DPH6: variants seen among roughly 807,000 people sequenced by gnomAD.
The protein encoded by DPH6 is diphthine--ammonia ligase.
Under a neutral mutation model 38.2 loss-of-function variants are expected in DPH6, and 33 were observed. That is an observed-to-expected ratio of 0.86 (90% CI 0.65 to 1.15). DPH6 has a LOEUF of 1.15. Among genes scored for constraint, DPH6 ranks in the 50% most tolerant of loss-of-function variants. The pLI is 0.00. For synonymous variants in DPH6, 108 were observed against 103.0 expected (o/e 1.05, Z -0.30); for missense variants, 325 against 320.0 (o/e 1.02, Z -0.12).
At chr15:35,237,966 A>G (rs1483372052) in intron 3 of DPH6, 1 of 1,425,288 alleles carries the variant, frequency 7.0e-7, no homozygotes, top group Non-Finnish European at 9.9e-7. Context: ...AACGATGGAG[A>G]GGTTGATGAT....
chr15:35,278,436 C>A (rs2051873494), intron 3 of DPH6, among the ~76,000 whole-genome samples: 1 of 152,230 alleles, frequency 6.6e-6, no homozygotes, highest in African/African-American at 2.4e-5. Flanking sequence ...GGTGCCTGGG[C>A]AGAAGCCTGA....
intron 3 of DPH6, among the ~76,000 whole-genome samples, chr15:35,220,960 G>A (rs2051438486): frequency 6.6e-6 from 1 of 152,180 alleles, no homozygotes; most frequent in Non-Finnish European, 1.5e-5. Context: ...CTGTGGGTGA[G>A]ATTAAAGGCA....
downstream of DPH6, among the ~76,000 whole-genome samples, chr15:35,327,939 C>T (rs1349482965): frequency 6.6e-6 from 1 of 152,142 alleles, no homozygotes; most frequent in Admixed American, 6.5e-5. Flanking sequence ...TGCTTAACTC[C>T]TGATCAAATA....
At chr15:35,411,023 T>G (rs927810560) in intron 5 of DPH6, 127 bp from the exon 6 acceptor site, 4 of 738,990 alleles carry the variant, frequency 5.4e-6, no homozygotes, top group Middle Eastern at 2.5e-4. Context: ...GCTTTGATCA[T>G]AAAGTAAAAT....
intron 3 of DPH6, among the ~76,000 whole-genome samples, chr15:35,466,749 C>T (rs1337351807): frequency 6.6e-6 from 1 of 152,156 alleles, no homozygotes; most frequent in Non-Finnish European, 1.5e-5. Context: ...TAGCCTATTG[C>T]TCCTAGGCTA....
intron 3 of DPH6, among the ~76,000 whole-genome samples, chr15:35,510,153 C>T (rs1197631962): frequency 6.6e-6 from 1 of 152,148 alleles, no homozygotes; most frequent in Non-Finnish European, 1.5e-5. Flanking sequence ...GTTGAGGCTG[C>T]AGTGAACTGT....
At chr15:35,408,962 G>A (rs1414437514) in intron 6 of DPH6, among the ~76,000 whole-genome samples, 1 of 151,896 alleles carries the variant, frequency 6.6e-6, no homozygotes, top group Admixed American at 6.6e-5. Context: ...GGGTCTTTAG[G>A]ATGGGACAAT....
chr15:35,512,810 T>C (rs1165308079), intron 3 of DPH6, among the ~76,000 whole-genome samples: 2 of 152,144 alleles, frequency 1.3e-5, no homozygotes, highest in East Asian at 3.8e-4. Flanking sequence ...AGCCAATATG[T>C]TTCAATGGCC....
intron 7 of DPH6, 34 bp from the exon 8 acceptor site, chr15:35,373,642 G>A: frequency 6.4e-7 from 1 of 1,559,418 alleles, no homozygotes; most frequent in Non-Finnish European, 8.7e-7. Context: ...ACATTTATAT[G>A]CTACAAAAAT....
chr15:35,478,754 C>T (rs542193447), intron 3 of DPH6, among the ~76,000 whole-genome samples: 1 of 151,880 alleles, frequency 6.6e-6, no homozygotes, highest in South Asian at 2.1e-4. Context: ...GCAATATTAC[C>T]AGTTAAAATA....
At chr15:35,256,561 G>A (rs1236948744) in intron 3 of DPH6, among the ~76,000 whole-genome samples, 1 of 152,178 alleles carries the variant, frequency 6.6e-6, no homozygotes, top group Non-Finnish European at 1.5e-5. Context: ...GGCAAGTTAT[G>A]TAAATCATCA....
At chr15:35,312,988 G>A (rs1203479457) in intron 3 of DPH6, among the ~76,000 whole-genome samples, 1 of 152,150 alleles carries the variant, frequency 6.6e-6, no homozygotes. Flanking sequence ...AGCACTTTGG[G>A]AGGCTAAGGC....
At chr15:35,303,133 T>C (rs1222666999) in intron 3 of DPH6, among the ~76,000 whole-genome samples, 2 of 152,044 alleles carry the variant, frequency 1.3e-5, no homozygotes, top group Admixed American at 6.6e-5. Context: ...GTACATTACA[T>C]TGGAGTTAGA....
At chr15:35,359,373 G>A (rs530877910) in intron 3 of DPH6, among the ~76,000 whole-genome samples, 21 of 152,238 alleles carry the variant, frequency 1.4e-4, no homozygotes, top group East Asian at 3.9e-4. Flanking sequence ...CCAGATTCGC[G>A]CCCTTCCCCA....
At chr15:35,421,995 A>G (rs1474068362) in intron 5 of DPH6, among the ~76,000 whole-genome samples, 5 of 152,044 alleles carry the variant, frequency 3.3e-5, no homozygotes, top group Non-Finnish European at 7.4e-5. Context: ...ATGGTAGGTA[A>G]GATATATAAT....
chr15:35,302,304 T>C (rs1647977917), intron 3 of DPH6, among the ~76,000 whole-genome samples: 1 of 152,218 alleles, frequency 6.6e-6, no homozygotes, highest in Admixed American at 6.5e-5. Flanking sequence ...TTTTCTACTA[T>C]CAAAAATGAT....
intron 3 of DPH6, among the ~76,000 whole-genome samples, chr15:35,285,872 G>GGTTTTTTTTTTTTTTTTTTTTT (rs1555391167): frequency 3.8e-5 from 2 of 52,794 alleles, no homozygotes; most frequent in African/African-American, 1.5e-4. Context: ...TTATCTTTGA[G>GGTTTTTTTTTTTTTTTTTTTTT]TTTTTTTTTT....
At chr15:35,249,980 G>A (rs1566850093) in intron 3 of DPH6, among the ~76,000 whole-genome samples, 4 of 150,552 alleles carry the variant, frequency 2.7e-5, no homozygotes, top group Admixed American at 1.3e-4. Context: ...TGGCTAACAC[G>A]GCGAAACACC....
chr15:35,336,711 C>T lies in DPH6; in HGVS notation n.208-5634G>A, dbSNP rs576844388. ...TGCATCCATTGAGATAATCATGTGG[C>T]TTTTGTCTTTGGTTCTGTTTATATG... On this transcript the variant is annotated intron_variant and non_coding_transcript_variant, in intron 3 of 3. Coordinates refer to the DPH6 transcript ENST00000558973. 3.2e-3 allele frequency among the ~76,000 whole-genome samples: 480 copies of T among 152,168 alleles called. 3 individuals are homozygous for T. The highest frequency in any genetic ancestry group is 8.2e-3 in the Admixed American group (125 of 15,258).
Sources: gnomAD v4.1 joint callset for allele counts (sites outside exome capture counted in the v4.1 genomes callset) on GRCh38, gnomAD v4.1.1 for gene constraint, MANE v1.5 for transcripts, NCBI Gene and HGNC (gene_info 2026-07-23, HGNC 2026-07-21) for gene names.